Variants in CABCOCO1 observed in about 807,000 individuals in gnomAD.
CABCOCO1 encodes the protein ciliary associated calcium binding coiled-coil 1.
CABCOCO1 carries 28 observed loss-of-function variants against 35.7 expected under a neutral mutation model. The ratio of observed to expected loss-of-function variants is 0.78; its 90% CI spans 0.58 to 1.07. The LOEUF is 1.07. Ranked by LOEUF, CABCOCO1 falls within the 50% of genes least tolerant of loss-of-function variation. CABCOCO1 has a pLI of 0.00. For synonymous variants in CABCOCO1, 95 were observed against 100.1 expected, an observed-to-expected ratio of 0.95 and a Z score of 0.30; for missense variants, 326 against 309.2, an observed-to-expected ratio of 1.05 and a Z score of -0.41.
In CABCOCO1 at chr10:61,687,445, G is replaced by A. The variant is rs1840000644; in HGVS notation, c.479+1260G>A. On this transcript the variant is annotated intron_variant, in intron 4 of 7. Transcript: ENST00000648843. The stretch of plus-strand genomic sequence containing the variant: ...GCATCCTTATTTTCCTTCTCTATTT[G>A]AACAGTCCCAGTTTCTCTTGCAGAA... 2.6e-5 allele frequency among the ~76,000 whole-genome samples: 4 copies of A among 152,198 alleles called. No homozygotes were observed. In the South Asian group the frequency reaches 8.3e-4, roughly 32 times the overall value.
intron 2 of CABCOCO1, among the ~76,000 whole-genome samples, chr10:61,680,652 TTATGTTATACATGTATAACATA>T (rs770866959): frequency 0.017 from 638 of 38,050 alleles, 73 homozygotes; most frequent in Admixed American, 0.028. Context: ...ATAATATATA[TTATGTTATACATGTATAACATA>T]TATGTTATAC....
At chr10:61,667,662 T>C (rs1968743) in intron 1 of CABCOCO1, among the ~76,000 whole-genome samples, 60,115 of 151,778 alleles carry the variant, frequency 0.4, 13,982 homozygotes, top group Middle Eastern at 0.53. Context: ...TTTTACCTTT[T>C]CTGTTTCTAA....
chr10:61,749,992 C>T (rs1841746563), intron 5 of CABCOCO1, among the ~76,000 whole-genome samples: 1 of 146,318 alleles, frequency 6.8e-6, no homozygotes, highest in African/African-American at 2.5e-5. Flanking sequence ...TTCATCATCA[C>T]AGTTTATATT....
At chr10:61,730,170 A>T (rs941596617) in intron 5 of CABCOCO1, among the ~76,000 whole-genome samples, 1 of 22,950 alleles carries the variant, frequency 4.4e-5, no homozygotes. Flanking sequence ...ATTGTCCAAT[A>T]AAAAAAAAAA....
At chr10:61,676,177 G>C (rs1349033489) in intron 2 of CABCOCO1, among the ~76,000 whole-genome samples, 1 of 152,162 alleles carries the variant, frequency 6.6e-6, no homozygotes, top group African/African-American at 2.4e-5. Flanking sequence ...TTCAGTTATA[G>C]TGGCAACAAG....
At chr10:61,765,807 T>C in intron 7 of CABCOCO1, 132 bp from the exon 8 acceptor site, 1 of 726,592 alleles carries the variant, frequency 1.4e-6, no homozygotes, top group Non-Finnish European at 2.3e-6. Flanking sequence ...AACACAGCTA[T>C]GTCTGCAAAA....
At chr10:61,758,382 A>G (rs1240307832) in intron 5 of CABCOCO1, among the ~76,000 whole-genome samples, 1 of 152,094 alleles carries the variant, frequency 6.6e-6, no homozygotes, top group Admixed American at 6.6e-5. Context: ...AGAGTGCTGA[A>G]AAAAGGTACA....
At chr10:61,670,705 C>T (rs890315872) in intron 1 of CABCOCO1, among the ~76,000 whole-genome samples, 8 of 151,988 alleles carry the variant, frequency 5.3e-5, no homozygotes, top group African/African-American at 1.9e-4. Context: ...AAACATTTGC[C>T]CTCTTTCCCC....
At chr10:61,715,904 T>G (rs1164637512) in intron 5 of CABCOCO1, among the ~76,000 whole-genome samples, 1 of 152,186 alleles carries the variant, frequency 6.6e-6, no homozygotes, top group East Asian at 1.9e-4. Context: ...GGACTTCCCT[T>G]TGTGGGTAAC....
In CABCOCO1 at chr10:61,733,144, T is replaced by C. The variant is rs187974559; in HGVS notation, c.553-26915T>C. ...TGCTTTTTATAAATAGTATCACTTA[T>C]AGGTAATACATGCGTTTATCTGTTG... On this transcript the variant is annotated intron_variant, in intron 5 of 7. Transcript: ENST00000648843. 7.9e-5 allele frequency among the ~76,000 whole-genome samples: 12 copies of C among 152,188 alleles called. No homozygotes were observed. The East Asian group carries it at 1.7e-3, about 22-fold the overall frequency.
chr10:61,739,857 G>A (rs544976845), intron 5 of CABCOCO1, among the ~76,000 whole-genome samples: 10 of 152,256 alleles, frequency 6.6e-5, no homozygotes, highest in South Asian at 2.1e-4. Context: ...CAGGAGAATC[G>A]CTTGAACCCA....
At chr10:61,747,832 A>G (rs986007227) in intron 5 of CABCOCO1, among the ~76,000 whole-genome samples, 2 of 152,204 alleles carry the variant, frequency 1.3e-5, no homozygotes, top group Non-Finnish European at 2.9e-5. Context: ...AAGTAAATTA[A>G]CATACTGGGC....
chr10:61,673,385 A>G (rs1839418139), intron 2 of CABCOCO1, among the ~76,000 whole-genome samples: 1 of 152,234 alleles, frequency 6.6e-6, no homozygotes, highest in East Asian at 1.9e-4. Context: ...ACCCATTTAA[A>G]AAATCATCCC....
chr10:61,672,271 G>T (rs1266770997), intron 1 of CABCOCO1, among the ~76,000 whole-genome samples: 1 of 152,058 alleles, frequency 6.6e-6, no homozygotes, highest in Non-Finnish European at 1.5e-5. Flanking sequence ...ATCAACCTAG[G>T]CTTGCTCCTC....
chr10:61,734,290 G>C (rs951455078), intron 5 of CABCOCO1, among the ~76,000 whole-genome samples: 1 of 151,930 alleles, frequency 6.6e-6, no homozygotes, highest in African/African-American at 2.4e-5. Context: ...TTAAGTTTCA[G>C]TGTATACAAA....
At chr10:61,728,954 G>A (rs1316671845) in intron 5 of CABCOCO1, among the ~76,000 whole-genome samples, 1 of 152,094 alleles carries the variant, frequency 6.6e-6, no homozygotes, top group Non-Finnish European at 1.5e-5. Context: ...TTGAAATATG[G>A]TTACATGTGG....
chr10:61,699,599 C>T (rs1195982315), intron 5 of CABCOCO1, among the ~76,000 whole-genome samples: 4 of 152,052 alleles, frequency 2.6e-5, no homozygotes, highest in African/African-American at 9.7e-5. Flanking sequence ...ATTTTGCTAC[C>T]AACCCATGCC....
At chr10:61,663,507 A>G (rs2131937721) in intron 1 of CABCOCO1, among the ~76,000 whole-genome samples, 1 of 152,140 alleles carries the variant, frequency 6.6e-6, no homozygotes, top group East Asian at 1.9e-4. Flanking sequence ...TGAAATAATA[A>G]CTGTTTACTG....
chr10:61,703,863 A>G (rs533953339), intron 5 of CABCOCO1, among the ~76,000 whole-genome samples: 17 of 152,298 alleles, frequency 1.1e-4, no homozygotes, highest in Non-Finnish European at 2.4e-4. Context: ...AAGATGATAC[A>G]TAGGGCATCA....
Sources: allele counts gnomAD v4.1 joint callset (sites outside exome capture counted in the v4.1 genomes callset), GRCh38; gene constraint gnomAD v4.1.1; transcripts MANE v1.5; gene names NCBI Gene and HGNC (gene_info 2026-07-23, HGNC 2026-07-21).